The following DIS3L2 variants were observed in gnomAD, a reference collection of about 807,000 sequenced individuals.
DIS3L2 encodes the protein DIS3-like exonuclease 2.
In DIS3L2, 34 loss-of-function variants were observed where a neutral mutation model predicts 97.5. That is an observed-to-expected ratio of 0.35 (90% CI 0.27 to 0.46). The LOEUF (loss-of-function observed/expected upper bound fraction) is 0.46. DIS3L2 is among the 20% of genes least tolerant of loss of function. The pLI is 1.00. For missense variants in DIS3L2, 1,038 were observed against 1,146.0 expected, an observed-to-expected ratio of 0.91 and a Z score of 1.36; for synonymous variants, 435 against 445.2, an observed-to-expected ratio of 0.98 and a Z score of 0.29.
intron 10 of DIS3L2, among the ~76,000 whole-genome samples, chr2:232,214,102 G>A (rs1037841831): frequency 6.6e-6 from 1 of 152,164 alleles, no homozygotes; most frequent in African/African-American, 2.4e-5. Flanking sequence ...TAAGTGAATA[G>A]GAGTGGCGTT....
intron 5 of DIS3L2, among the ~76,000 whole-genome samples, chr2:232,076,979 A>G (rs1296154758): frequency 6.6e-6 from 1 of 152,052 alleles, no homozygotes; most frequent in East Asian, 1.9e-4. Flanking sequence ...TTCCCCTTAA[A>G]ATGCTGACAT....
chr2:232,284,660 T>C (rs1299382799), intron 13 of DIS3L2, among the ~76,000 whole-genome samples: 1 of 152,212 alleles, frequency 6.6e-6, no homozygotes, highest in Admixed American at 6.5e-5. Context: ...ATGTGGTCTT[T>C]GCCCCGGGAG....
At chr2:232,187,349 G>A (rs1298952848) in intron 9 of DIS3L2, among the ~76,000 whole-genome samples, 1 of 152,142 alleles carries the variant, frequency 6.6e-6, no homozygotes, top group Non-Finnish European at 1.5e-5. Flanking sequence ...TAGTTTGGCA[G>A]CTCCTCAAAG....
intron 5 of DIS3L2, among the ~76,000 whole-genome samples, chr2:232,075,886 T>G (rs1696171574): frequency 6.6e-6 from 1 of 152,224 alleles, no homozygotes; most frequent in Non-Finnish European, 1.5e-5. Context: ...GTTTTTCATT[T>G]ATTATCTTAG....
chr2:232,303,770 GAGA>G (rs1234151487), intron 14 of DIS3L2, among the ~76,000 whole-genome samples: 1 of 152,168 alleles, frequency 6.6e-6, no homozygotes. Context: ...TTCTGCAACA[GAGA>G]AGAAGAATGT....
At chr2:232,309,907 T>A (rs1695079527) in intron 14 of DIS3L2, among the ~76,000 whole-genome samples, 1 of 152,196 alleles carries the variant, frequency 6.6e-6, no homozygotes, top group African/African-American at 2.4e-5. Context: ...GAGCAGGGTG[T>A]TCCTGGATGA....
chr2:232,156,643 A>G (rs927512275), intron 8 of DIS3L2, among the ~76,000 whole-genome samples: 1 of 152,052 alleles, frequency 6.6e-6, no homozygotes, highest in Admixed American at 6.6e-5. Context: ...CCCCTTTTCT[A>G]TTTTAGGCAT....
chr2:232,172,579 T>C (rs912882368), intron 9 of DIS3L2: 3 of 431,262 alleles, frequency 7.0e-6, no homozygotes, highest in Non-Finnish European at 9.9e-6. Flanking sequence ...TTGACTATTA[T>C]GAATAATGCT....
chr2:232,337,941 C>A (rs2343241), downstream of DIS3L2, among the ~76,000 whole-genome samples: 48,071 of 144,858 alleles, frequency 0.33, 12,088 homozygotes, highest in African/African-American at 0.7. Context: ...GGCGGCCTTC[C>A]GTCTGTGTGT....
Position 232,089,936 on chromosome 2 carries a change from C to T in DIS3L2, c.601+2215C>T, listed in dbSNP as rs911610945. 3.3e-5 allele frequency among the ~76,000 whole-genome samples: 5 copies of T among 152,038 alleles called. 1 individual carries two copies. Among genetic ancestry groups the T allele is most frequent in the African/African-American group, 1.2e-4 (5 of 41,388 alleles). ...TCACCCTCTATTATAATTCTTCCCC[C>T]ACACTCCTTTTGAGATAGGGTCTCA... On this transcript the variant is annotated intron_variant, in intron 6 of 20. Transcript: ENST00000325385.
At chr2:232,006,806 C>A (rs1251874318) in intron 1 of DIS3L2, among the ~76,000 whole-genome samples, 1 of 152,014 alleles carries the variant, frequency 6.6e-6, no homozygotes, top group African/African-American at 2.4e-5. Flanking sequence ...TTCTGGAGGC[C>A]AAGGGTGAAG....
chr2:232,136,344 G>A, intron 7 of DIS3L2, 128 bp from the exon 8 acceptor site: 1 of 1,132,816 alleles, frequency 8.8e-7, no homozygotes, highest in Admixed American at 2.2e-5. Flanking sequence ...ATCACTGAGA[G>A]GCACTTATTT....
At chr2:232,222,066 C>T (rs1692522553) in intron 10 of DIS3L2, among the ~76,000 whole-genome samples, 1 of 151,808 alleles carries the variant, frequency 6.6e-6, no homozygotes, top group East Asian at 2.0e-4. Flanking sequence ...CCTCAGCCTC[C>T]TGAGTATCTG....
At chr2:232,190,948 C>T (rs920335955) in intron 9 of DIS3L2, among the ~76,000 whole-genome samples, 10 of 152,192 alleles carry the variant, frequency 6.6e-5, no homozygotes, top group Non-Finnish European at 1.5e-4. Context: ...TTACCCTGTG[C>T]TCTGCTGCAG....
At chr2:232,175,156 G>A (rs115088951) in intron 9 of DIS3L2, among the ~76,000 whole-genome samples, 1 of 152,038 alleles carries the variant, frequency 6.6e-6, no homozygotes, top group African/African-American at 2.4e-5. Context: ...TGTAATGTAA[G>A]CTTTGGGGGT....
intron 1 of DIS3L2, among the ~76,000 whole-genome samples, chr2:231,965,443 T>C (rs923648465): frequency 6.7e-6 from 1 of 149,144 alleles, no homozygotes; most frequent in African/African-American, 2.4e-5. Flanking sequence ...GACATCTGAA[T>C]TGACTTTTTT....
intron 12 of DIS3L2, among the ~76,000 whole-genome samples, chr2:232,258,066 G>A (rs1299477513): frequency 1.3e-5 from 2 of 152,224 alleles, no homozygotes; most frequent in East Asian, 1.9e-4. Flanking sequence ...AGAATACTCC[G>A]AGTGTTAGAC....
At chr2:232,011,794 C>T (rs1340058892) in intron 1 of DIS3L2, among the ~76,000 whole-genome samples, 3 of 152,098 alleles carry the variant, frequency 2.0e-5, no homozygotes, top group Non-Finnish European at 4.4e-5. Flanking sequence ...GGATTACAGG[C>T]GCATGCCACC....
chr2:231,976,445 C>T lies in DIS3L2; in HGVS notation c.-94+14680C>T, dbSNP rs112753585. On this transcript the variant is annotated intron_variant, in intron 1 of 20. Transcript: ENST00000325385. ...AGGAGTTCGAGACCAACCTCGGTAA[C>T]GTGAAACCTGTTTCTACCAAAAATA... Among the ~76,000 whole-genome samples, 32 of 151,912 alleles carry T rather than the reference C, an allele frequency of 2.1e-4. 2 individuals carry two copies. The highest frequency in any genetic ancestry group is 6.8e-4 in the African/African-American group (28 of 41,436).
Sources: gnomAD v4.1 joint callset for allele counts (sites outside exome capture counted in the v4.1 genomes callset) on GRCh38, gnomAD v4.1.1 for gene constraint, MANE v1.5 for transcripts, NCBI Gene and HGNC (gene_info 2026-07-23, HGNC 2026-07-21) for gene names.